Variants in SGSH observed in about 807,000 individuals in gnomAD.
SGSH encodes N-sulfoglucosamine sulfohydrolase.
Under a neutral mutation model 51.0 loss-of-function variants are expected in SGSH, and 48 were observed. The observed-to-expected ratio is 0.94, with a 90% CI of 0.75 to 1.20. The LOEUF is 1.20. Ranked by LOEUF, SGSH falls within the 50% of genes most tolerant of loss-of-function variation. The probability of loss-of-function intolerance (pLI) is 0.00; values close to 1 mark genes in which losing one functional copy is unlikely to be tolerated. For missense variants in SGSH, 662 were observed against 717.8 expected, an observed-to-expected ratio of 0.92 and a Z score of 0.89; for synonymous variants, 321 against 313.4, an observed-to-expected ratio of 1.02 and a Z score of -0.26.
chr17:80,216,601 C>T (rs182600591), intron 2 of SGSH: 2 of 204,196 alleles, frequency 9.8e-6, no homozygotes, highest in African/African-American at 4.5e-5. Flanking sequence ...AAAATAGGAG[C>T]ATGTGTGCCT....
chr17:80,209,349 T>G lies in SGSH; in HGVS notation c.*1103A>C. The G allele has an allele frequency of 1.0e-6, 1 of 985,372 alleles. No individual in the cohort carries two copies. The highest frequency in any genetic ancestry group is 1.7e-5 in the African/African-American group (1 of 57,354). The allele number at this position is 985,372 out of a possible 1,614,324, so 61.0% of individuals were successfully genotyped here. A position where few individuals can be genotyped will look rare whatever the true frequency, so the allele number is the denominator to read the frequency against. ...TTACAATAGCTGGCCTGTGGCCTCC[T>G]CCAGCCCACCCCAGTATGGAGTGAT... On this transcript the variant is annotated 3_prime_UTR_variant, in exon 8 of 8. Coordinates refer to ENST00000326317, the MANE Select transcript of SGSH (RefSeq NM_000199.5).
Position 80,213,233 on chromosome 17 carries a change from GAC to G in SGSH, c.745+569_745+570del, listed in dbSNP as rs565281917. On this transcript the variant is annotated intron_variant, in intron 6 of 7. Coordinates refer to ENST00000326317, the MANE Select transcript of SGSH (RefSeq NM_000199.5). The surrounding 1 kb of genome is among the most constrained non-coding windows in gnomAD (Gnocchi z 4.6). ...AGAAGAAGTGGAGACACAAAGAGGA[GAC>G]ACAGGAAAAAAGGCCATGTGAAGGC... 2.3e-3 allele frequency: 349 copies of G among 152,386 alleles called. No individual in the cohort carries two copies. The highest frequency in any genetic ancestry group is 3.4e-3 in the Non-Finnish European group (234 of 68,362). 9.4% of individuals were successfully genotyped at this position (152,386 alleles called of 1,614,324 possible). A position where few individuals can be genotyped will look rare whatever the true frequency, so the allele number is the denominator to read the frequency against.
At chr17:80,216,056 C>T (rs1009243734) in intron 2 of SGSH, among the ~76,000 whole-genome samples, 22 of 150,452 alleles carry the variant, frequency 1.5e-4, no homozygotes, top group African/African-American at 4.2e-4. Flanking sequence ...GGGCCGGGCT[C>T]GGTGGCTCAC....
chr17:80,212,241 G>A lies in SGSH; in HGVS notation c.779C>T (p.Ala260Val), dbSNP rs2041696926. 1 of 1,612,140 alleles carries A rather than the reference G, an allele frequency of 6.2e-7. No individual in the cohort carries two copies. Among genetic ancestry groups the A allele is most frequent in the Admixed American group, 1.7e-5 (1 of 59,848 alleles). The change falls in exon 7 of 8, where the codon GCC (alanine) becomes GTC (valine). Residue 260 changes from alanine to valine, a missense_variant. Transcript: ENST00000326317. The surrounding 1 kb of genome is among the most constrained non-coding windows in gnomAD (Gnocchi z 5.9). ...CACCAGTGTGTCGTTCAGGACACCG[G>A]CGTCACGCAGCTCCTGGAGCACCAG... The part of the protein sequence containing the change: ...VGLVLQELRD[A>V]GVLNDTLVIF...
chr17:80,205,507 G>A, downstream of SGSH: 2 of 1,576,492 alleles, frequency 1.3e-6, no homozygotes, highest in Non-Finnish European at 1.7e-6. Flanking sequence ...GGTCTATGAT[G>A]GCCCCGTCCA....
chr17:80,211,250 G>C, intron 7 of SGSH: 2 of 1,265,792 alleles, frequency 1.6e-6, no homozygotes, highest in South Asian at 1.6e-5. Context: ...AAATCCCATG[G>C]ACTGGAAAAG....
At chr17:80,218,604 A>G (rs963588470) in intron 1 of SGSH, among the ~76,000 whole-genome samples, 7 of 152,198 alleles carry the variant, frequency 4.6e-5, no homozygotes, top group Admixed American at 3.9e-4. Context: ...GTGTGAGCAC[A>G]TGGCAGCCAC....
At chr17:80,202,224 T>G, downstream of SGSH, 1 of 1,613,936 alleles carries the variant, frequency 6.2e-7, no homozygotes, top group Non-Finnish European at 8.5e-7. Flanking sequence ...AGTGGCGACC[T>G]CGGGGGACTC....
rs1204428202 is a variant in SGSH, at chr17:80,213,635, G to A, written c.745+169C>T. The A allele has an allele frequency of 4.4e-6, 3 of 675,786 alleles. No homozygotes were observed. The African/African-American group carries it at 5.4e-5, about 12-fold the overall frequency. The allele number at this position is 675,786 out of a possible 1,614,324, so 41.9% of individuals were successfully genotyped here. A position where few individuals can be genotyped will look rare whatever the true frequency, so the allele number is the denominator to read the frequency against. On this transcript the variant is annotated intron_variant, in intron 6 of 7. Coordinates refer to ENST00000326317, the MANE Select transcript of SGSH (RefSeq NM_000199.5). The surrounding 1 kb of genome is among the most constrained non-coding windows in gnomAD (Gnocchi z 4.6). Reference sequence around the variant, plus strand: ...CAGGGCAGCCCCGGGGTTGGGTCCTGATGCCACCCACAGGCCCCTCCTCTC... The same window carrying A: ...CAGGGCAGCCCCGGGGTTGGGTCCTAATGCCACCCACAGGCCCCTCCTCTC...
Position 80,210,823 on chromosome 17 carries a change from G to A in SGSH, c.1138C>T (p.Gln380Ter), listed in dbSNP as rs1424242431. The change falls in exon 8 of 8, where the codon CAG (glutamine) becomes TAG (stop). Residue 380 changes from glutamine (Q) to a stop codon, truncating the protein, a stop_gained. Coordinates refer to ENST00000326317, the MANE Select transcript of SGSH (RefSeq NM_000199.5). LOFTEE classifies it high-confidence loss of function. ...TGCACGAGGCGGAAGTGCCGGTGCT[G>A]CACGGAGCGCATGGGGTAGGACATG... ...VTMSYPMRSV[Q>*]HRHFRLVHNL... 1 of 1,613,926 alleles carries A rather than the reference G, an allele frequency of 6.2e-7. No individual in the cohort carries two copies. Among genetic ancestry groups the A allele is most frequent in the East Asian group, 2.2e-5 (1 of 44,898 alleles).
Position 80,213,912 on chromosome 17 carries a change from T to G in SGSH, c.664-27A>C, listed in dbSNP as rs371802886. Reference sequence around the variant, plus strand: ...TGGGGCAGGCGGTGGGGAGCCAGGCTTAGAACAGACAGACCGGGGGAGCGG... The same window carrying G: ...TGGGGCAGGCGGTGGGGAGCCAGGCGTAGAACAGACAGACCGGGGGAGCGG... On this transcript the variant is annotated intron_variant, in intron 5 of 7. Coordinates refer to ENST00000326317, the MANE Select transcript of SGSH (RefSeq NM_000199.5). This position sits in a 1 kb window ranked among gnomAD's most constrained non-coding sequence, Gnocchi z 4.6. The G allele has an allele frequency of 6.3e-6, 10 of 1,577,160 alleles. No individual in the cohort carries two copies. In the African/African-American group the frequency reaches 9.6e-5, roughly 15 times the overall value.
downstream of SGSH, chr17:80,202,407 C>T: frequency 6.2e-7 from 1 of 1,611,826 alleles, no homozygotes; most frequent in Non-Finnish European, 8.5e-7. Flanking sequence ...CGGCACCATC[C>T]CCAACTACTC....
intron 2 of SGSH, among the ~76,000 whole-genome samples, chr17:80,215,871 G>GT (rs2041872350): frequency 2.0e-5 from 3 of 152,176 alleles, no homozygotes; most frequent in Non-Finnish European, 2.9e-5. Context: ...AACAGCCAAA[G>GT]GGTAGCAGCA....
At chr17:80,201,753 G>A (rs979100899), downstream of SGSH, 13 of 1,613,898 alleles carry the variant, frequency 8.1e-6, no homozygotes, top group African/African-American at 6.7e-5. The surrounding 1 kb of genome is among the most constrained non-coding windows in gnomAD (Gnocchi z 5.0). Context: ...GGTTGATTAC[G>A]AAGCCTCAGA....
intron 2 of SGSH, 57 bp from the exon 3 acceptor site, chr17:80,215,195 G>T: frequency 2.3e-6 from 3 of 1,311,396 alleles, no homozygotes; most frequent in Admixed American, 1.8e-5. Context: ...CCCGCCTGCC[G>T]CACCTGTTCT....
intron 3 of SGSH, 59 bp downstream of exon 3, chr17:80,214,972 TGG>T: frequency 6.8e-7 from 1 of 1,473,978 alleles, no homozygotes; most frequent in South Asian, 1.1e-5. Context: ...CCGAACCTCC[TGG>T]GCTCTGGCCT....
Position 80,210,650 on chromosome 17 carries a change from C to T in SGSH, c.1311G>A (p.Glu437=), listed in dbSNP as rs995838952. 6.2e-7 allele frequency: 1 copy of T among 1,613,936 alleles called. No homozygotes were observed. Among genetic ancestry groups the T allele is most frequent in the African/African-American group, 1.3e-5 (1 of 74,946 alleles). Residue 437 remains glutamate (E), a synonymous_variant, in exon 8 of 8, where the codon GAG becomes GAA. Transcript: ENST00000326317. ...GGGGGTCCCGGCTCCGGTCGTAGAG[C>T]TCCCAGCGCGCCCGGTAGTAGTAAT... is the stretch of plus-strand genomic sequence containing the variant. The part of the protein sequence containing the change: ...LRHYYYRARW[E]LYDRSRDPHE...
At chr17:80,201,911 A>C (rs2040998092), downstream of SGSH, 5 of 1,576,388 alleles carry the variant, frequency 3.2e-6, no homozygotes, top group African/African-American at 1.3e-5. This position sits in a 1 kb window ranked among gnomAD's most constrained non-coding sequence, Gnocchi z 5.0. Context: ...CTGCCTGGCC[A>C]GACTCCATGA....
At position 80,212,143 on chromosome 17, in the gene SGSH, G is replaced by T; in HGVS notation, c.877C>A (p.Pro293Thr). The stretch of plus-strand genomic sequence containing the variant: ...TGCTCCGGGGATGACACCAGTAAGG[G>T]TTCAGCAGTGCCCGGCCAGTACAGG... ...TNLYWPGTAE[P>T]LLVSSPEHPK... The change falls in exon 7 of 8, where the codon CCC becomes ACC. Residue 293 changes from proline to threonine, a missense_variant. Physicochemically the swap from Pro to Thr is conservative, Grantham distance 38. Coordinates refer to ENST00000326317, the MANE Select transcript of SGSH (RefSeq NM_000199.5). This position sits in a 1 kb window ranked among gnomAD's most constrained non-coding sequence, Gnocchi z 5.9. 6.2e-7 allele frequency: 1 copy of T among 1,613,614 alleles called. No homozygotes were observed. The highest frequency in any genetic ancestry group is 8.5e-7 in the Non-Finnish European group (1 of 1,180,030).
Sources: allele counts gnomAD v4.1 joint callset (sites outside exome capture counted in the v4.1 genomes callset), GRCh38; gene constraint gnomAD v4.1.1; non-coding constraint Gnocchi (gnomAD v3.1); transcripts MANE v1.5; gene names NCBI Gene and HGNC (gene_info 2026-07-23, HGNC 2026-07-21).